PLPPR1: variants seen among roughly 807,000 people sequenced by gnomAD.
The protein encoded by PLPPR1 is phospholipid phosphatase-related protein type 1.
PLPPR1 carries 10 observed loss-of-function variants against 33.1 expected under a neutral mutation model. That is an observed-to-expected ratio of 0.30 (90% CI 0.19 to 0.51). The LOEUF (loss-of-function observed/expected upper bound fraction) is 0.51. PLPPR1 is among the 20% of genes least tolerant of loss of function. The pLI is 0.97. For missense variants in PLPPR1, 304 were observed against 408.1 expected (o/e 0.74, Z 2.20); for synonymous variants, 151 against 151.0 (o/e 1.00, Z 0.00).
chr9:101,144,059 A>G (rs1831490676), intron 1 of PLPPR1, among the ~76,000 whole-genome samples: 1 of 152,240 alleles, frequency 6.6e-6, no homozygotes, highest in Non-Finnish European at 1.5e-5. Context: ...AATGTGGCAC[A>G]CATATACCAT....
chr9:101,077,133 A>C (rs1830548337), intron 1 of PLPPR1, among the ~76,000 whole-genome samples: 1 of 152,192 alleles, frequency 6.6e-6, no homozygotes, highest in South Asian at 2.1e-4. Context: ...TTGATGCCAA[A>C]GTTAGACAGA....
At chr9:101,052,647 G>A (rs1298478145) in intron 1 of PLPPR1, among the ~76,000 whole-genome samples, 3 of 152,124 alleles carry the variant, frequency 2.0e-5, no homozygotes, top group Non-Finnish European at 2.9e-5. Context: ...AGATTTCCCA[G>A]CAGTAATAGA....
intron 1 of PLPPR1, among the ~76,000 whole-genome samples, chr9:101,079,642 C>T (rs947594067): frequency 9.2e-5 from 14 of 151,710 alleles, no homozygotes; most frequent in Admixed American, 6.6e-4. Flanking sequence ...TGCAGTGGCA[C>T]GATCTTGGCT....
At chr9:101,113,725 A>T (rs971983315) in intron 1 of PLPPR1, among the ~76,000 whole-genome samples, 1 of 152,196 alleles carries the variant, frequency 6.6e-6, no homozygotes, top group African/African-American at 2.4e-5. Context: ...AACAACAAAA[A>T]CAGAAAACCA....
chr9:101,158,548 A>C (rs1000617824), intron 1 of PLPPR1, among the ~76,000 whole-genome samples: 2 of 152,208 alleles, frequency 1.3e-5, no homozygotes, highest in African/African-American at 4.8e-5. Context: ...ACAGCTGACA[A>C]AGGATAAACT....
intron 4 of PLPPR1, among the ~76,000 whole-genome samples, chr9:101,293,215 C>A (rs1169425909): frequency 6.7e-6 from 1 of 148,826 alleles, no homozygotes; most frequent in Non-Finnish European, 1.5e-5. Context: ...AAGGCCATTA[C>A]ATAATGGTAA....
intron 2 of PLPPR1, among the ~76,000 whole-genome samples, chr9:101,224,443 G>A (rs931169672): frequency 2.0e-5 from 3 of 152,022 alleles, no homozygotes; most frequent in Admixed American, 6.6e-5. Context: ...TGATGCTCTC[G>A]GCTGCTGTCA....
intron 2 of PLPPR1, among the ~76,000 whole-genome samples, chr9:101,232,484 T>C (rs1174370554): frequency 6.6e-6 from 1 of 151,886 alleles, no homozygotes; most frequent in Non-Finnish European, 1.5e-5. Context: ...CCTCTTTTTT[T>C]TTTTTCTTAA....
intron 1 of PLPPR1, among the ~76,000 whole-genome samples, chr9:101,102,093 CTTTTTT>C (rs397937393): frequency 2.8e-5 from 2 of 71,884 alleles, no homozygotes; most frequent in African/African-American, 5.7e-5. Context: ...GTAGGAACAA[CTTTTTT>C]TTTTTTTTTT....
chr9:101,221,090 GTTTTC>G (rs570196949), intron 2 of PLPPR1, among the ~76,000 whole-genome samples: 47 of 152,014 alleles, frequency 3.1e-4, no homozygotes, highest in Non-Finnish European at 6.0e-4. Flanking sequence ...CCATAGGCCT[GTTTTC>G]TTTTTCTTTT....
chr9:101,286,177 T>C lies in PLPPR1; in HGVS notation c.326T>C (p.Ile109Thr), dbSNP rs772217528. Residue 109 changes from isoleucine to threonine, a missense_variant, in exon 4 of 8, where the codon ATT becomes ACT. Physicochemically the swap from Ile to Thr is moderately conservative, Grantham distance 89. Coordinates refer to ENST00000374874, the MANE Select transcript of PLPPR1 (RefSeq NM_207299.2). ...TCCCTGATTGCTCAGGAGAAAACAA[T>C]TCTGACCGGAGAATGCTGTTACCTG... ...RESLIAQEKT[I>T]LTGECCYLNP... 1 of 1,613,640 alleles carries C rather than the reference T, an allele frequency of 6.2e-7. No homozygotes were observed. The highest frequency in any genetic ancestry group is 1.3e-5 in the African/African-American group (1 of 74,918).
chr9:101,102,056 T>C (rs1830907668), intron 1 of PLPPR1, among the ~76,000 whole-genome samples: 1 of 150,660 alleles, frequency 6.6e-6, no homozygotes, highest in Non-Finnish European at 1.5e-5. Flanking sequence ...TTTCCCATTA[T>C]ACTATAAGCT....
intron 1 of PLPPR1, among the ~76,000 whole-genome samples, chr9:101,113,506 C>G (rs560504256): frequency 4.0e-4 from 61 of 151,864 alleles, no homozygotes; most frequent in African/African-American, 1.4e-3. Flanking sequence ...CTTTGCAAAC[C>G]AAAATTCAAA....
At chr9:101,205,968 G>C (rs1480234944) in intron 2 of PLPPR1, among the ~76,000 whole-genome samples, 2 of 152,132 alleles carry the variant, frequency 1.3e-5, no homozygotes, top group Admixed American at 6.5e-5. Context: ...TATCTCCTCA[G>C]AGAGACTGTC....
chr9:101,276,392 C>G (rs1398091767), intron 3 of PLPPR1, among the ~76,000 whole-genome samples: 1 of 151,988 alleles, frequency 6.6e-6, no homozygotes, highest in African/African-American at 2.4e-5. Context: ...GATGACTGCT[C>G]CAAATCTCCT....
intron 1 of PLPPR1, among the ~76,000 whole-genome samples, chr9:101,062,938 C>T (rs1021784399): frequency 6.6e-6 from 1 of 151,946 alleles, no homozygotes; most frequent in African/African-American, 2.4e-5. Flanking sequence ...TTAGGTCATG[C>T]TCAAAGTTCA....
chr9:101,155,947 G>A (rs1831680844), intron 1 of PLPPR1, among the ~76,000 whole-genome samples: 2 of 152,118 alleles, frequency 1.3e-5, no homozygotes, highest in African/African-American at 4.8e-5. Flanking sequence ...ATTCAAGCAA[G>A]AGCAAATATG....
intron 2 of PLPPR1, among the ~76,000 whole-genome samples, chr9:101,252,527 GA>G (rs1198865133): frequency 6.6e-6 from 1 of 152,054 alleles, no homozygotes. Context: ...ATTTCAAAGG[GA>G]AATAAGAAAA....
chr9:101,086,109 T>A lies in PLPPR1; in HGVS notation c.-46+57007T>A, dbSNP rs149996114. ...CGATCATGTGCTTTTTGTATTTTAA[T>A]CTATTGATATGATGACTATGTTCAT... On this transcript the variant is annotated intron_variant, in intron 1 of 7. Transcript: ENST00000374874. Among the ~76,000 whole-genome samples the A allele has an allele frequency of 4.8e-3, 725 of 152,296 alleles. 6 individuals carry two copies. The highest frequency in any genetic ancestry group is 0.017 in the African/African-American group (697 of 41,556).
Sources: gnomAD v4.1 joint callset for allele counts (sites outside exome capture counted in the v4.1 genomes callset) on GRCh38, gnomAD v4.1.1 for gene constraint, MANE v1.5 for transcripts, NCBI Gene and HGNC (gene_info 2026-07-23, HGNC 2026-07-21) for gene names.